The following DNAJC1 variants were observed in gnomAD, a reference collection of about 807,000 sequenced individuals.
DNAJC1 encodes the protein DnaJ heat shock protein family (Hsp40) member C1, also known as dnaJ homolog subfamily C member 1.
Under a neutral mutation model 76.6 loss-of-function variants are expected in DNAJC1, and 58 were observed. The observed-to-expected ratio is 0.76, with a 90% CI of 0.61 to 0.94. The LOEUF (loss-of-function observed/expected upper bound fraction) is 0.94, where lower values mean the gene tolerates loss of function less well. Ranked by LOEUF, DNAJC1 falls within the 40% of genes least tolerant of loss-of-function variation. The pLI, the probability that DNAJC1 is intolerant of heterozygous loss-of-function variation, is 0.00. For missense variants in DNAJC1, 689 were observed against 677.3 expected (o/e 1.02, Z -0.19); for synonymous variants, 258 against 267.9 (o/e 0.96, Z 0.36).
At chr10:21,853,926 G>C (rs946662652) in intron 8 of DNAJC1, among the ~76,000 whole-genome samples, 1 of 151,864 alleles carries the variant, frequency 6.6e-6, no homozygotes, top group African/African-American at 2.4e-5. Context: ...TGTGAATATG[G>C]GAAGATACTC....
chr10:21,985,505 T>C (rs1838230581), intron 1 of DNAJC1, among the ~76,000 whole-genome samples: 1 of 152,282 alleles, frequency 6.6e-6, no homozygotes, highest in Admixed American at 6.5e-5. Flanking sequence ...CACCTCAGCC[T>C]CCCAAAGTGC....
At chr10:21,859,100 T>G (rs1815475377) in intron 8 of DNAJC1, among the ~76,000 whole-genome samples, 2 of 152,236 alleles carry the variant, frequency 1.3e-5, no homozygotes, top group Admixed American at 6.5e-5. Flanking sequence ...TTTCATTTAT[T>G]CCTATCAAGT....
chr10:21,898,493 A>G (rs1472514765), intron 7 of DNAJC1, among the ~76,000 whole-genome samples: 2 of 152,116 alleles, frequency 1.3e-5, no homozygotes, highest in South Asian at 2.1e-4. Context: ...TGCACAGTAT[A>G]TAACACTTGA....
chr10:21,911,082 A>AGGAAGGCG (rs1178536872), intron 6 of DNAJC1, among the ~76,000 whole-genome samples: 18 of 125,020 alleles, frequency 1.4e-4, no homozygotes, highest in Non-Finnish European at 3.2e-4. Flanking sequence ...GAAGGAAGGA[A>AGGAAGGCG]GGAAGGCGGG....
At chr10:21,928,953 A>AT in intron 2 of DNAJC1, 87 bp downstream of exon 2, 2 of 828,526 alleles carry the variant, frequency 2.4e-6, no homozygotes, top group Non-Finnish European at 3.5e-6. Flanking sequence ...TCAAATGAAA[A>AT]TATTCCATAT....
chr10:21,934,387 T>C (rs1837277644), intron 1 of DNAJC1, among the ~76,000 whole-genome samples: 1 of 152,154 alleles, frequency 6.6e-6, no homozygotes, highest in Non-Finnish European at 1.5e-5. Flanking sequence ...TAATTTATTG[T>C]TGAAGAGATC....
intron 8 of DNAJC1, among the ~76,000 whole-genome samples, chr10:21,861,454 G>C (rs1835915684): frequency 6.6e-6 from 1 of 152,066 alleles, no homozygotes; most frequent in Non-Finnish European, 1.5e-5. Context: ...TTCAAAAACA[G>C]TAATGTCAGA....
intron 9 of DNAJC1, among the ~76,000 whole-genome samples, chr10:21,775,165 T>C (rs1395403240): frequency 6.6e-6 from 1 of 152,076 alleles, no homozygotes; most frequent in African/African-American, 2.4e-5. Flanking sequence ...TTTTTTTTTC[T>C]CACTTAAAAG....
chr10:21,956,278 A>G (rs1279815138), intron 1 of DNAJC1, among the ~76,000 whole-genome samples: 2 of 152,188 alleles, frequency 1.3e-5, no homozygotes, highest in Non-Finnish European at 2.9e-5. Context: ...TAACACTTTC[A>G]TGAGGGTAGA....
chr10:21,757,787 C>T (rs1564778127), intron 11 of DNAJC1, among the ~76,000 whole-genome samples: 1 of 152,220 alleles, frequency 6.6e-6, no homozygotes, highest in Non-Finnish European at 1.5e-5. Context: ...GAAGCTCAGC[C>T]CTGCCTCGCT....
intron 1 of DNAJC1, among the ~76,000 whole-genome samples, chr10:21,955,961 A>C (rs1053757574): frequency 1.3e-5 from 2 of 152,198 alleles, no homozygotes; most frequent in African/African-American, 4.8e-5. Context: ...GAAAAAACTT[A>C]TTTTACCTTC....
intron 8 of DNAJC1, among the ~76,000 whole-genome samples, chr10:21,849,524 G>C (rs1018939985): frequency 2.0e-5 from 3 of 151,684 alleles, no homozygotes; most frequent in African/African-American, 7.3e-5. Flanking sequence ...ATACTGACAG[G>C]GGGAAAAAAA....
chr10:22,002,654 C>A (rs1008408515), intron 1 of DNAJC1, among the ~76,000 whole-genome samples: 1 of 152,008 alleles, frequency 6.6e-6, no homozygotes, highest in African/African-American at 2.4e-5. Flanking sequence ...AAAAAGATGA[C>A]GAAGTACAAA....
At chr10:21,959,325 A>G (rs1837747286) in intron 1 of DNAJC1, among the ~76,000 whole-genome samples, 1 of 151,452 alleles carries the variant, frequency 6.6e-6, no homozygotes, top group Admixed American at 6.6e-5. Flanking sequence ...ACGGGGTTTC[A>G]CCATGTTGGC....
intron 9 of DNAJC1, among the ~76,000 whole-genome samples, chr10:21,788,722 C>G (rs1475765566): frequency 6.6e-6 from 1 of 152,154 alleles, no homozygotes; most frequent in Non-Finnish European, 1.5e-5. Flanking sequence ...TCACATCCAG[C>G]GTCCTGAGTT....
At chr10:21,893,683 G>C (rs1836492300) in intron 7 of DNAJC1, among the ~76,000 whole-genome samples, 1 of 151,902 alleles carries the variant, frequency 6.6e-6, no homozygotes, top group African/African-American at 2.4e-5. Context: ...GCAGTGCTGA[G>C]AGGGAAATGT....
At chr10:21,763,385 A>G (rs984261506) in intron 10 of DNAJC1, among the ~76,000 whole-genome samples, 2 of 152,224 alleles carry the variant, frequency 1.3e-5, no homozygotes, top group Non-Finnish European at 2.9e-5. Flanking sequence ...TGCTATTAAC[A>G]TAAGAAAGAG....
intron 6 of DNAJC1, among the ~76,000 whole-genome samples, chr10:21,916,376 C>A (rs1361631614): frequency 6.6e-6 from 1 of 152,096 alleles, no homozygotes; most frequent in East Asian, 1.9e-4. Context: ...GTAGTCCCAG[C>A]TACTCGGGAG....
At chr10:21,962,414 C>G in intron 1 of DNAJC1, among the ~76,000 whole-genome samples, 1 of 137,080 alleles carries the variant, frequency 7.3e-6, no homozygotes, top group Non-Finnish European at 1.5e-5. Flanking sequence ...ACTCTAAATT[C>G]TATTCTATCC....
Sources: gnomAD v4.1 joint callset for allele counts (sites outside exome capture counted in the v4.1 genomes callset) on GRCh38, gnomAD v4.1.1 for gene constraint, MANE v1.5 for transcripts, NCBI Gene and HGNC (gene_info 2026-07-23, HGNC 2026-07-21) for gene names.